The following MAP2 variants were observed in gnomAD, a reference collection of about 807,000 sequenced individuals.
The protein encoded by MAP2 is microtubule associated protein 2.
A neutral mutation model predicts 137.6 loss-of-function variants in MAP2; 14 were observed. The ratio of observed to expected loss-of-function variants is 0.10; its 90% CI spans 0.07 to 0.16. MAP2 has a LOEUF of 0.16. Ranked by LOEUF, MAP2 falls within the 10% of genes least tolerant of loss-of-function variation. MAP2 has a pLI of 1.00. For missense variants in MAP2, 2,088 were observed against 2,191.5 expected, an observed-to-expected ratio of 0.95 and a Z score of 0.94; for synonymous variants, 786 against 782.3, an observed-to-expected ratio of 1.00 and a Z score of -0.08.
intron 2 of MAP2, among the ~76,000 whole-genome samples, chr2:209,574,685 A>G (rs1252186225): frequency 6.6e-6 from 1 of 152,182 alleles, no homozygotes; most frequent in Admixed American, 6.5e-5. Flanking sequence ...ATCATTTTGT[A>G]TATCTAAGAC....
intron 1 of MAP2, among the ~76,000 whole-genome samples, chr2:209,481,993 A>G (rs977333248): frequency 6.6e-6 from 1 of 152,132 alleles, no homozygotes; most frequent in African/African-American, 2.4e-5. Context: ...TCCTATGTGT[A>G]TGTATACATT....
chr2:209,574,577 C>T (rs562068622), intron 2 of MAP2, among the ~76,000 whole-genome samples: 2 of 152,286 alleles, frequency 1.3e-5, no homozygotes, highest in East Asian at 3.9e-4. Flanking sequence ...TTTTGTACAA[C>T]TCACGCTACC....
intron 2 of MAP2, among the ~76,000 whole-genome samples, chr2:209,526,470 G>C (rs186790810): frequency 1.1e-4 from 16 of 151,188 alleles, no homozygotes; most frequent in Non-Finnish European, 2.4e-4. Context: ...CCTTTCTCAG[G>C]CTTTCGTTTT....
chr2:209,444,192 G>A (rs1025208523), intron 1 of MAP2, among the ~76,000 whole-genome samples: 1 of 151,290 alleles, frequency 6.6e-6, no homozygotes, highest in African/African-American at 2.4e-5. Context: ...AGAAGTTTAA[G>A]ACATCTATCT....
At chr2:209,443,966 C>G (rs1698436593) in intron 1 of MAP2, among the ~76,000 whole-genome samples, 2 of 151,616 alleles carry the variant, frequency 1.3e-5, no homozygotes, top group South Asian at 4.1e-4. Flanking sequence ...CCAAGCAAAA[C>G]CAGTTTTAGG....
chr2:209,588,503 C>G (rs1382541661), intron 3 of MAP2, among the ~76,000 whole-genome samples: 2 of 152,208 alleles, frequency 1.3e-5, no homozygotes, highest in Non-Finnish European at 2.9e-5. Context: ...TGCATTATAA[C>G]CAAAATATCT....
intron 3 of MAP2, among the ~76,000 whole-genome samples, chr2:209,616,377 C>G (rs569420424): frequency 6.6e-6 from 1 of 152,142 alleles, no homozygotes; most frequent in South Asian, 2.1e-4. Context: ...GCTTCTATAT[C>G]TAAAGTTTGA....
At chr2:209,580,806 A>G (rs1480254809) in intron 3 of MAP2, among the ~76,000 whole-genome samples, 1 of 152,206 alleles carries the variant, frequency 6.6e-6, no homozygotes, top group Non-Finnish European at 1.5e-5. Context: ...ATCAGGATAT[A>G]TATTGATTTG....
intron 11 of MAP2, chr2:209,704,739 C>A: frequency 1.1e-6 from 1 of 874,594 alleles, no homozygotes; most frequent in Non-Finnish European, 1.6e-6. Context: ...GTGTTTGACA[C>A]ATAAACAGTA....
At chr2:209,468,588 G>A (rs932705101) in intron 1 of MAP2, among the ~76,000 whole-genome samples, 3 of 152,074 alleles carry the variant, frequency 2.0e-5, no homozygotes, top group African/African-American at 7.2e-5. Context: ...CCAAAGTGCT[G>A]GGATTACGGG....
At chr2:209,711,352 C>T (rs1042305322) in intron 13 of MAP2, among the ~76,000 whole-genome samples, 18 of 152,144 alleles carry the variant, frequency 1.2e-4, no homozygotes, top group Admixed American at 7.2e-4. Flanking sequence ...ACCAATGAAG[C>T]AACAATTCAG....
chr2:209,653,436 A>T lies in MAP2; in HGVS notation c.262+4A>T. The T allele has an allele frequency of 6.3e-7, 1 of 1,589,404 alleles. No individual in the cohort carries two copies. Among genetic ancestry groups the T allele is most frequent in the Non-Finnish European group, 8.6e-7 (1 of 1,167,060 alleles). ...TCAGCTGACAGAGAAACAGCAGGTA[A>T]CTAAGGGCTCTACTGTCACCAAGTG... is the stretch of plus-strand genomic sequence containing the variant. On this transcript the variant is annotated splice_donor_region_variant and intron_variant, in intron 5 of 15. Transcript: ENST00000682079.
chr2:209,429,175 G>A lies in MAP2; in HGVS notation c.-222+4899G>A, dbSNP rs1413193658. On this transcript the variant is annotated intron_variant, in intron 1 of 15. Coordinates refer to ENST00000682079, the MANE Select transcript of MAP2 (RefSeq NM_001375505.1). ...TCACCTTGTTAGCCAGGATGATCTCGATCTCCTGACCTCGTGATCCGCCCG... is the reference window on the plus strand; with the variant it reads ...TCACCTTGTTAGCCAGGATGATCTCAATCTCCTGACCTCGTGATCCGCCCG... Among the ~76,000 whole-genome samples, 6 of 151,798 alleles carry A rather than the reference G, an allele frequency of 4.0e-5. No homozygotes were observed. The South Asian group carries it at 6.2e-4, about 16-fold the overall frequency.
chr2:209,465,736 A>G (rs1447553897), intron 1 of MAP2, among the ~76,000 whole-genome samples: 3 of 152,194 alleles, frequency 2.0e-5, no homozygotes, highest in Non-Finnish European at 2.9e-5. Flanking sequence ...CTAAATGATA[A>G]TTTGGTTAGC....
intron 4 of MAP2, among the ~76,000 whole-genome samples, chr2:209,644,274 A>G (rs1444959983): frequency 1.3e-5 from 2 of 152,214 alleles, no homozygotes; most frequent in East Asian, 1.9e-4. Context: ...TGTGGTTTCT[A>G]TTATGATTAC....
At position 209,482,084 on chromosome 2, in the gene MAP2, A is replaced by G. The variant is rs530775995; in HGVS notation, c.-221-25508A>G. On this transcript the variant is annotated intron_variant, in intron 1 of 15. Transcript: ENST00000682079. ...CACTAGGAAAAGCTGGGATGATTAG[A>G]CCAAAATCTCAAAGACAGCAGTAGA... is the stretch of plus-strand genomic sequence containing the variant. 2.0e-5 allele frequency among the ~76,000 whole-genome samples: 3 copies of G among 152,288 alleles called. No individual in the cohort carries two copies. In the East Asian group the frequency reaches 5.8e-4, roughly 29 times the overall value.
chr2:209,648,104 ATTTT>A lies in MAP2; in HGVS notation c.-29-5024_-29-5021del, dbSNP rs200480350. Among the ~76,000 whole-genome samples the A allele has an allele frequency of 4.4e-4, 63 of 141,892 alleles. No individual in the cohort carries two copies. In the East Asian group the frequency reaches 4.7e-3, roughly 11 times the overall value. 93.1% of individuals were successfully genotyped at this position (141,892 alleles called of 152,430 possible). ...ATCAATAGATGTTTAAACGTCTTGGATTTTTTTTTTTTTTTTTAACGCAGTCTCA... is the reference window on the plus strand; with the variant it reads ...ATCAATAGATGTTTAAACGTCTTGGATTTTTTTTTTTTTAACGCAGTCTCA... On this transcript the variant is annotated intron_variant, in intron 4 of 15. Coordinates refer to ENST00000682079, the MANE Select transcript of MAP2 (RefSeq NM_001375505.1).
intron 5 of MAP2, among the ~76,000 whole-genome samples, chr2:209,660,804 G>T (rs2043199741): frequency 6.8e-6 from 1 of 147,446 alleles, no homozygotes; most frequent in Middle Eastern, 3.5e-3. Flanking sequence ...CGCGATCTCG[G>T]CTCACTGCAA....
intron 2 of MAP2, among the ~76,000 whole-genome samples, chr2:209,549,806 G>C (rs1481483393): frequency 6.6e-6 from 1 of 152,132 alleles, no homozygotes; most frequent in African/African-American, 2.4e-5. Flanking sequence ...TGCGGTAATG[G>C]ATATTGGTTT....
Sources: gnomAD v4.1 joint callset for allele counts (sites outside exome capture counted in the v4.1 genomes callset) on GRCh38, gnomAD v4.1.1 for gene constraint, MANE v1.5 for transcripts, NCBI Gene and HGNC (gene_info 2026-07-23, HGNC 2026-07-21) for gene names.